CEP164: variants seen among roughly 807,000 people sequenced by gnomAD.
CEP164 encodes centrosomal protein 164.
In CEP164, 162 loss-of-function variants were observed where a neutral mutation model predicts 182.7. That is an observed-to-expected ratio of 0.89 (90% CI 0.78 to 1.01). The LOEUF (loss-of-function observed/expected upper bound fraction) is 1.01, where lower values mean the gene tolerates loss of function less well. CEP164 is among the 50% of genes least tolerant of loss of function. CEP164 has a pLI of 0.00. For missense variants in CEP164, 1,735 were observed against 1,790.4 expected, an observed-to-expected ratio of 0.97 and a Z score of 0.56; for synonymous variants, 661 against 690.0, an observed-to-expected ratio of 0.96 and a Z score of 0.66.
In CEP164 at chr11:117,409,982, G is replaced by A. The variant is rs777692922; in HGVS notation, c.4096+17G>A. The A allele has an allele frequency of 6.2e-6, 10 of 1,611,598 alleles. No individual in the cohort carries two copies. Among genetic ancestry groups the A allele is most frequent in the Non-Finnish European group, 3.4e-6 (4 of 1,178,318 alleles). ...ATTTTCCATGTAAGCCCCACTCTGG[G>A]CGGAGCCTTCCCACCTGCCTCCTCC... On this transcript the variant is annotated intron_variant, in intron 30 of 32. Coordinates refer to ENST00000278935, the MANE Select transcript of CEP164 (RefSeq NM_014956.5). The surrounding 1 kb of genome is among the most constrained non-coding windows in gnomAD (Gnocchi z 4.4).
At position 117,375,842 on chromosome 11, in the gene CEP164, A is replaced by G. The variant is rs371461748; in HGVS notation, c.1317+51A>G. 6.7e-5 allele frequency: 104 copies of G among 1,543,568 alleles called. No homozygotes were observed. In the African/African-American group the frequency reaches 1.1e-3, roughly 17 times the overall value. On this transcript the variant is annotated intron_variant, in intron 11 of 32. Coordinates refer to ENST00000278935, the MANE Select transcript of CEP164 (RefSeq NM_014956.5). ...AGCTGGGGCCTCATTTTCCCTCACAACTTTTTCGGATGACCCAGAACTGAG... is the reference window on the plus strand; with the variant it reads ...AGCTGGGGCCTCATTTTCCCTCACAGCTTTTTCGGATGACCCAGAACTGAG...
At chr11:117,337,350 G>C (rs1274126058) in intron 2 of CEP164, among the ~76,000 whole-genome samples, 1 of 151,790 alleles carries the variant, frequency 6.6e-6, no homozygotes, top group African/African-American at 2.4e-5. Context: ...TAACCTTAAT[G>C]ACCTCATTTA....
At chr11:117,340,524 G>GT (rs1258164206) in intron 3 of CEP164, among the ~76,000 whole-genome samples, 5 of 151,734 alleles carry the variant, frequency 3.3e-5, no homozygotes, top group African/African-American at 7.3e-5. Context: ...AGCATAGGGT[G>GT]TTTTTTTTGT....
At chr11:117,355,531 C>A (rs1375038657) in intron 5 of CEP164, 1 of 1,274,834 alleles carries the variant, frequency 7.8e-7, no homozygotes, top group Non-Finnish European at 1.0e-6. Context: ...AGGGCCAAAG[C>A]CCCATTCCCA....
chr11:117,337,510 T>TAAA (rs55864956), intron 2 of CEP164, among the ~76,000 whole-genome samples: 1 of 128,882 alleles, frequency 7.8e-6, no homozygotes, highest in African/African-American at 2.9e-5. Context: ...ACCATCTCTG[T>TAAA]AAAAAAAAAA....
At chr11:117,337,880 T>C (rs577292366) in intron 2 of CEP164, among the ~76,000 whole-genome samples, 2 of 152,322 alleles carry the variant, frequency 1.3e-5, no homozygotes, top group Admixed American at 6.5e-5. Flanking sequence ...AGGCTCACTG[T>C]GACCAGCCGG....
chr11:117,393,199 G>A, intron 20 of CEP164, 73 bp downstream of exon 20: 1 of 1,560,374 alleles, frequency 6.4e-7, no homozygotes, highest in African/African-American at 1.4e-5. Flanking sequence ...ACACACACAT[G>A]CACACACACA....
intron 2 of CEP164, chr11:117,336,313 T>C (rs2134944899): frequency 5.3e-6 from 8 of 1,506,350 alleles, no homozygotes; most frequent in African/African-American, 4.1e-5. Context: ...CTGCATCTTC[T>C]TGTCCGCTGT....
rs180738228 is a variant in CEP164 at position 117,322,714 on chromosome 11, C to T, written c.-98+7986C>T. On this transcript the variant is annotated intron_variant, in intron 1 of 4. Coordinates refer to the CEP164 transcript ENST00000525734. The stretch of plus-strand genomic sequence containing the variant: ...GAGATTATAGGCATGTGTCACCACG[C>T]CTGGCATATTTTGTGTTTATATATA... Among the ~76,000 whole-genome samples the T allele has an allele frequency of 8.7e-3, 1,310 of 150,268 alleles. 23 individuals are homozygous for T. Among genetic ancestry groups the T allele is most frequent in the African/African-American group, 0.031 (1,251 of 40,784 alleles).
chr11:117,403,949 A>G (rs562713993), intron 27 of CEP164, among the ~76,000 whole-genome samples: 26 of 151,708 alleles, frequency 1.7e-4, no homozygotes, highest in Non-Finnish European at 3.1e-4. Flanking sequence ...TGATGCAGCT[A>G]TTTATACTTG....
rs546775490 is a variant in CEP164 at position 117,379,745 on chromosome 11, C to T, written c.1318-869C>T. Among the ~76,000 whole-genome samples the T allele has an allele frequency of 1.4e-4, 21 of 151,816 alleles. No homozygotes were observed. The South Asian group carries it at 3.7e-3, about 27-fold the overall frequency. On this transcript the variant is annotated intron_variant, in intron 11 of 32. Coordinates refer to ENST00000278935, the MANE Select transcript of CEP164 (RefSeq NM_014956.5). Reference sequence around the variant, plus strand: ...CTAGAACAAAGGGTTGACCCCAGGCCGACTACACTACTGTACCTCTGTGGA... The same window carrying T: ...CTAGAACAAAGGGTTGACCCCAGGCTGACTACACTACTGTACCTCTGTGGA...
At chr11:117,397,509 C>G (rs565113351) in intron 27 of CEP164, among the ~76,000 whole-genome samples, 196 bp downstream of exon 27, 3 of 152,202 alleles carry the variant, frequency 2.0e-5, no homozygotes, top group Non-Finnish European at 4.4e-5. Flanking sequence ...ATAATTTAAA[C>G]CTCATGATAA....
At chr11:117,402,298 G>A (rs1037773306) in intron 27 of CEP164, among the ~76,000 whole-genome samples, 5 of 149,512 alleles carry the variant, frequency 3.3e-5, no homozygotes, top group African/African-American at 4.9e-5. Context: ...CTTGGCTCAC[G>A]CAAACTCTGC....
intron 2 of CEP164, chr11:117,336,326 CT>C: frequency 6.7e-7 from 1 of 1,487,264 alleles, no homozygotes; most frequent in Non-Finnish European, 9.4e-7. Flanking sequence ...TCCGCTGTCA[CT>C]GCTGGTCTGA....
At chr11:117,407,288 A>ATGG (rs768593689) in intron 27 of CEP164, among the ~76,000 whole-genome samples, 3 of 151,766 alleles carry the variant, frequency 2.0e-5, no homozygotes, top group Non-Finnish European at 2.9e-5. Flanking sequence ...CCTCTCAACC[A>ATGG]TGGTGGTGGT....
intron 23 of CEP164, 64 bp downstream of exon 23, chr11:117,395,255 T>G: frequency 6.4e-7 from 1 of 1,556,234 alleles, no homozygotes; most frequent in Non-Finnish European, 8.8e-7. Context: ...CTTCTCCCTG[T>G]TCCCCACATT....
At chr11:117,340,385 A>T (rs1054101279) in intron 3 of CEP164, among the ~76,000 whole-genome samples, 6 of 152,204 alleles carry the variant, frequency 3.9e-5, no homozygotes, top group African/African-American at 2.4e-5. Context: ...TGAAATTCTG[A>T]CGAGTTATGA....
intron 1 of CEP164, among the ~76,000 whole-genome samples, chr11:117,322,564 C>CT (rs899294136): frequency 2.5e-4 from 38 of 150,094 alleles, no homozygotes; most frequent in Admixed American, 1.7e-3. Context: ...TTTCCTTTTT[C>CT]TTTTTTTTTG....
intron 3 of CEP164, among the ~76,000 whole-genome samples, chr11:117,342,884 T>G (rs1455766037): frequency 6.6e-6 from 1 of 152,200 alleles, no homozygotes; most frequent in Non-Finnish European, 1.5e-5. Flanking sequence ...TTTGTTTGTT[T>G]GTTTGTTTGA....
Sources: allele counts gnomAD v4.1 joint callset (sites outside exome capture counted in the v4.1 genomes callset), GRCh38; gene constraint gnomAD v4.1.1; non-coding constraint Gnocchi (gnomAD v3.1); transcripts MANE v1.5; gene names NCBI Gene and HGNC (gene_info 2026-07-23, HGNC 2026-07-21).